Variants in ANKRD26 observed in about 807,000 individuals in gnomAD.
The protein encoded by ANKRD26 is ankyrin repeat domain 26.
Under a neutral mutation model 208.7 loss-of-function variants are expected in ANKRD26, and 141 were observed. The ratio of observed to expected loss-of-function variants is 0.68; its 90% confidence interval spans 0.59 to 0.78. The LOEUF is 0.78. Ranked by LOEUF, ANKRD26 falls within the 30% of genes least tolerant of loss-of-function variation. The probability of loss-of-function intolerance (pLI) is 0.00; values close to 1 mark genes in which losing one functional copy is unlikely to be tolerated. For synonymous variants in ANKRD26, 636 were observed against 660.4 expected, an observed-to-expected ratio of 0.96 and a Z score of 0.57; for missense variants, 1,889 against 1,938.7, an observed-to-expected ratio of 0.97 and a Z score of 0.48.
intron 4 of ANKRD26, among the ~76,000 whole-genome samples, chr10:26,998,152 G>A (rs766005638): frequency 3.3e-5 from 5 of 152,126 alleles, no homozygotes; most frequent in East Asian, 1.9e-4. Flanking sequence ...TGGCTAAATC[G>A]TCATCTGGTC....
chr10:27,060,787 C>T (rs2055026461), intron 13 of ANKRD26, among the ~76,000 whole-genome samples: 1 of 152,154 alleles, frequency 6.6e-6, no homozygotes, highest in Non-Finnish European at 1.5e-5. Flanking sequence ...TTCCAAGTGA[C>T]TATAACTAAA....
chr10:27,045,253 G>C (rs761213507), intron 18 of ANKRD26, among the ~76,000 whole-genome samples: 8 of 152,020 alleles, frequency 5.3e-5, no homozygotes, highest in Non-Finnish European at 1.0e-4. Context: ...GCGCAACCCT[G>C]TCTCTACTAA....
chr10:27,074,067 G>A (rs2055602322), intron 9 of ANKRD26, among the ~76,000 whole-genome samples: 1 of 151,454 alleles, frequency 6.6e-6, no homozygotes, highest in Admixed American at 6.6e-5. Flanking sequence ...ACAAGAAATA[G>A]TCCACCCAAA....
chr10:27,017,115 T>C (rs1322400485), intron 30 of ANKRD26, among the ~76,000 whole-genome samples: 2 of 152,164 alleles, frequency 1.3e-5, no homozygotes, highest in East Asian at 1.9e-4. Context: ...ATTTGAATCA[T>C]TGTTTCATTA....
chr10:27,034,837 C>G lies in ANKRD26; in HGVS notation c.3613G>C (p.Glu1205Gln), dbSNP rs1564373578. Residue 1205 changes from glutamate to glutamine, a missense_variant, in exon 24 of 34, where the codon GAA becomes CAA. By Grantham distance (29) the Glu-to-Gln change is conservative. This residue lies in a region of ANKRD26 where 613 missense variants were observed against 648.2 expected (regional missense o/e 0.95). Coordinates refer to ENST00000376087, the MANE Select transcript of ANKRD26 (RefSeq NM_014915.3). Reference protein sequence around the residue: ...ELISECNHLKERQYQYENEKA... With the variant: ...ELISECNHLKQRQYQYENEKA... ...TCATTTTCATATTGATACTGTCTTT[C>G]TTTTAAGTGATTACATTCACTGATT... 1 of 1,610,252 alleles carries G rather than the reference C, an allele frequency of 6.2e-7. No individual in the cohort carries two copies. The highest frequency in any genetic ancestry group is 1.7e-5 in the Admixed American group (1 of 59,672).
At chr10:27,071,786 G>T (rs2055510462) in intron 9 of ANKRD26, among the ~76,000 whole-genome samples, 2 of 152,166 alleles carry the variant, frequency 1.3e-5, no homozygotes, top group South Asian at 4.1e-4. Flanking sequence ...CCACTGGGAA[G>T]CCCGGCAATC....
In ANKRD26 at chr10:27,093,517, T is replaced by A; in HGVS notation, c.363A>T (p.Val121=). 7 of 1,614,174 alleles carry A rather than the reference T, an allele frequency of 4.3e-6. No individual in the cohort carries two copies. Among genetic ancestry groups the A allele is most frequent in the Non-Finnish European group, 5.9e-6 (7 of 1,180,030 alleles). The change falls in exon 3 of 34, where the codon GTA becomes GTT. Residue 121 remains valine (V), a synonymous_variant. Transcript: ENST00000376087. ...TTGCACATTTCTCTTCCTGGCATTG[T>A]ACAGCCTGGGAGTATTAGACCAAGA... ...NENRTALMKA[V]QCQEEKCATI...
chr10:26,975,402 C>T (rs374788303), exon 6 of ANKRD26, among the ~76,000 whole-genome samples: 45 of 90,474 alleles, frequency 5.0e-4, no homozygotes, highest in South Asian at 7.7e-4. Flanking sequence ...CTAATTTTTG[C>T]TTTTTTTTTT....
chr10:27,003,648 A>G (rs1422850050), downstream of ANKRD26, among the ~76,000 whole-genome samples: 1 of 152,236 alleles, frequency 6.6e-6, no homozygotes, highest in African/African-American at 2.4e-5. Context: ...AATGGAAGTG[A>G]GTGACAGCAG....
At chr10:27,058,866 G>A (rs550516360) in intron 15 of ANKRD26, among the ~76,000 whole-genome samples, 86 of 151,234 alleles carry the variant, frequency 5.7e-4, no homozygotes, top group Admixed American at 5.2e-3. Context: ...GTGAGGCACC[G>A]CGCCCAGCCC....
chr10:27,058,916 TTTTTTG>T (rs2054942818), intron 15 of ANKRD26, among the ~76,000 whole-genome samples: 1 of 96,168 alleles, frequency 1.0e-5, no homozygotes, highest in Admixed American at 1.0e-4. Flanking sequence ...TGTTTTTTGT[TTTTTTG>T]TTTTTTTTTT....
intron 25 of ANKRD26, among the ~76,000 whole-genome samples, 196 bp from the exon 26 acceptor site, chr10:27,029,552 A>C (rs1025342639): frequency 6.6e-6 from 1 of 152,194 alleles, no homozygotes; most frequent in African/African-American, 2.4e-5. Context: ...CAAAGCCTAA[A>C]ATAATACTAT....
downstream of ANKRD26, among the ~76,000 whole-genome samples, chr10:26,973,596 A>G (rs926327859): frequency 6.8e-6 from 1 of 147,934 alleles, no homozygotes. Flanking sequence ...ATTTATTGTA[A>G]TTATTAATAT....
chr10:27,060,584 ACAAAGT>A, intron 13 of ANKRD26, 44 bp from the exon 14 acceptor site: 1 of 1,358,866 alleles, frequency 7.4e-7, no homozygotes, highest in Middle Eastern at 2.6e-4. Context: ...CATAAATATG[ACAAAGT>A]CAATCATAAA....
intron 17 of ANKRD26, 55 bp from the exon 18 acceptor site, chr10:27,046,578 CA>C: frequency 6.5e-7 from 1 of 1,537,340 alleles, no homozygotes; most frequent in Non-Finnish European, 8.9e-7. Context: ...AAAAAAGAAA[CA>C]ACATGCAGAA....
chr10:27,005,300 G>A lies in ANKRD26; in HGVS notation c.*290C>T. ...GATAAAAATTACAAAATACAAATAA[G>A]CCATCAATTAACTGCACTAAAGTAT... On this transcript the variant is annotated 3_prime_UTR_variant, in exon 34 of 34. Transcript: ENST00000376087. The A allele has an allele frequency of 9.2e-7, 1 of 1,089,836 alleles. No homozygotes were observed. The highest frequency in any genetic ancestry group is 1.1e-6 in the Non-Finnish European group (1 of 894,310). 67.5% of individuals were successfully genotyped at this position (1,089,836 alleles called of 1,614,324 possible).
Position 27,034,828 on chromosome 10 carries a change from A to T in ANKRD26, c.3622T>A (p.Tyr1208Asn). Residue 1208 changes from tyrosine (Y) to asparagine (N), a missense_variant, in exon 24 of 34, where the codon TAT (tyrosine) becomes AAT (asparagine). Physicochemically the swap from Tyr to Asn is moderately radical, Grantham distance 143. Coordinates refer to ENST00000376087, the MANE Select transcript of ANKRD26 (RefSeq NM_014915.3). ...TCTGCCTTTTCATTTTCATATTGAT[A>T]CTGTCTTTCTTTTAAGTGATTACAT... The part of the protein sequence containing the change: ...SECNHLKERQ[Y>N]QYENEKAERE... The T allele has an allele frequency of 6.2e-7, 1 of 1,610,220 alleles. No homozygotes were observed. The highest frequency in any genetic ancestry group is 8.5e-7 in the Non-Finnish European group (1 of 1,178,644).
chr10:27,006,143 C>T (rs1045155573), intron 33 of ANKRD26, among the ~76,000 whole-genome samples: 3 of 152,144 alleles, frequency 2.0e-5, no homozygotes, highest in Admixed American at 1.3e-4. Flanking sequence ...ACACCTATCC[C>T]AGTTCTGAGT....
chr10:27,003,070 C>T (rs1301204988), downstream of ANKRD26, among the ~76,000 whole-genome samples: 1 of 152,166 alleles, frequency 6.6e-6, no homozygotes, highest in Non-Finnish European at 1.5e-5. Flanking sequence ...ATCATTTAGC[C>T]TATGCCAAAT....
Sources: allele counts gnomAD v4.1 joint callset (sites outside exome capture counted in the v4.1 genomes callset), GRCh38; gene constraint gnomAD v4.1.1; regional missense constraint gnomAD v4.1.1; transcripts MANE v1.5; gene names NCBI Gene and HGNC (gene_info 2026-07-23, HGNC 2026-07-21).